Variants in SORCS2 observed in about 807,000 individuals in gnomAD.
The protein encoded by SORCS2 is sortilin related VPS10 domain containing receptor 2, also known as VPS10 domain-containing receptor SorCS2.
Under a neutral mutation model 141.6 loss-of-function variants are expected in SORCS2, and 100 were observed. The observed-to-expected ratio is 0.71, with a 90% confidence interval of 0.60 to 0.83. The LOEUF (loss-of-function observed/expected upper bound fraction) is 0.83, where lower values mean the gene tolerates loss of function less well. SORCS2 is among the 40% of genes least tolerant of loss of function. SORCS2 has a pLI of 0.00. For missense variants in SORCS2, 1,646 were observed against 1,560.2 expected (o/e 1.05, Z -0.93); for synonymous variants, 789 against 676.9 (o/e 1.17, Z -2.57).
At chr4:7,261,915 G>A (rs1490620925) in intron 1 of SORCS2, among the ~76,000 whole-genome samples, 1 of 152,204 alleles carries the variant, frequency 6.6e-6, no homozygotes, top group African/African-American at 2.4e-5. Flanking sequence ...TGTCGACTGG[G>A]AAATTTGCAT....
chr4:7,620,797 G>A (rs776432137), intron 3 of SORCS2, among the ~76,000 whole-genome samples: 2 of 152,202 alleles, frequency 1.3e-5, no homozygotes, highest in Admixed American at 6.5e-5. Context: ...TGGTGAAGGC[G>A]CTGAGGGTCT....
rs752813114 is a variant in SORCS2 at position 7,718,065 on chromosome 4, G to C, written c.2306G>C (p.Ser769Thr). 166 of 1,611,044 alleles carry C rather than the reference G, an allele frequency of 1.0e-4. 1 individual carries two copies. In the East Asian group the frequency reaches 2.9e-3, roughly 28 times the overall value. Residue 769 changes from serine (S) to threonine (T), a missense_variant, in exon 18 of 27, where the codon AGT (serine) becomes ACT (threonine). Physicochemically the swap from Ser to Thr is moderately conservative, Grantham distance 58. Transcript: ENST00000507866. ...GAGGGTGGGGTGGACATGCAGCAGA[G>C]TCAGGTGCAGCTGCAGTGCCCCCTC... ...VCEGGVDMQQ[S>T]QVQLQCPLTP...
intron 2 of SORCS2, among the ~76,000 whole-genome samples, chr4:7,410,204 G>C (rs1022827679): frequency 6.6e-6 from 1 of 152,218 alleles, no homozygotes; most frequent in Non-Finnish European, 1.5e-5. Context: ...AGCAAACAAA[G>C]AGCTGTCATG....
Position 7,325,442 on chromosome 4 carries a change from G to A in SORCS2, c.481-70846G>A, listed in dbSNP as rs75781133. Among the ~76,000 whole-genome samples, 17 of 152,262 alleles carry A rather than the reference G, an allele frequency of 1.1e-4. No homozygotes were observed. The East Asian group carries it at 2.3e-3, about 21-fold the overall frequency. On this transcript the variant is annotated intron_variant, in intron 1 of 26. Coordinates refer to ENST00000507866, the MANE Select transcript of SORCS2 (RefSeq NM_020777.3). ...ATGAAGCAGGCAAGAAGGAACAGCT[G>A]GAAAAGCTAACTGGTTATCTTTATT...
chr4:7,657,120 G>A (rs1226894244), intron 5 of SORCS2, among the ~76,000 whole-genome samples: 2 of 152,246 alleles, frequency 1.3e-5, no homozygotes, highest in Non-Finnish European at 2.9e-5. Flanking sequence ...CAGGCACCAG[G>A]CCTCAGGCCA....
Position 7,218,281 on chromosome 4 carries a change from G to A in SORCS2, c.480+25155G>A, listed in dbSNP as rs904980. Among the ~76,000 whole-genome samples, 1,121 of 152,276 alleles carry A rather than the reference G, an allele frequency of 7.4e-3. 14 individuals carry two copies. The highest frequency in any genetic ancestry group is 0.025 in the African/African-American group (1,036 of 41,538). On this transcript the variant is annotated intron_variant, in intron 1 of 26. Transcript: ENST00000507866. ...AGTTGTCACCTCCTATTTGTGCTGC[G>A]TAAATGGATTCTAATCGCCTTCTTC...
chr4:7,473,559 G>A (rs1560313937), intron 2 of SORCS2, among the ~76,000 whole-genome samples: 1 of 152,214 alleles, frequency 6.6e-6, no homozygotes, highest in Admixed American at 6.5e-5. Context: ...GCAGGTGGAA[G>A]CCTAAGAATC....
At chr4:7,524,065 T>C (rs16840464) in intron 2 of SORCS2, among the ~76,000 whole-genome samples, 3,621 of 152,282 alleles carry the variant, frequency 0.024, 99 homozygotes, top group East Asian at 0.11. Context: ...TCATGTAGAA[T>C]AGAAGCTCAG....
chr4:7,402,013 C>G (rs969915199), intron 2 of SORCS2, among the ~76,000 whole-genome samples: 1 of 152,172 alleles, frequency 6.6e-6, no homozygotes, highest in Non-Finnish European at 1.5e-5. Flanking sequence ...TCCATCATTG[C>G]CTTCTTCCCG....
chr4:7,554,947 G>A (rs893042093), intron 3 of SORCS2, among the ~76,000 whole-genome samples: 2 of 152,186 alleles, frequency 1.3e-5, no homozygotes, highest in Admixed American at 6.5e-5. Flanking sequence ...TCCAAGGCAT[G>A]GAGGCTCAGG....
intron 26 of SORCS2, 138 bp from the exon 27 acceptor site, chr4:7,740,062 G>T (rs1451409409): frequency 2.9e-6 from 2 of 689,288 alleles, no homozygotes; most frequent in Non-Finnish European, 5.1e-6. Flanking sequence ...CCCTGCACCT[G>T]CACGGGCTGA....
chr4:7,285,716 C>G (rs1032748396), intron 1 of SORCS2, among the ~76,000 whole-genome samples: 8 of 152,228 alleles, frequency 5.3e-5, no homozygotes, highest in African/African-American at 1.4e-4. Context: ...GCTGGAGGAC[C>G]AGACCGCCAA....
At chr4:7,542,991 A>G (rs1162228270) in intron 3 of SORCS2, among the ~76,000 whole-genome samples, 1 of 152,168 alleles carries the variant, frequency 6.6e-6, no homozygotes, top group Non-Finnish European at 1.5e-5. Flanking sequence ...GAGGGAGAAG[A>G]TGGTCCTCTT....
At chr4:7,572,217 G>A (rs777419893) in intron 3 of SORCS2, among the ~76,000 whole-genome samples, 1 of 152,126 alleles carries the variant, frequency 6.6e-6, no homozygotes, top group Non-Finnish European at 1.5e-5. Flanking sequence ...CTGAGGCTGA[G>A]GCCCCAAGCT....
intron 2 of SORCS2, chr4:7,432,116 G>A (rs1726907170): frequency 6.6e-6 from 1 of 151,654 alleles, no homozygotes; most frequent in African/African-American, 2.5e-5. Flanking sequence ...AGGAGCACTT[G>A]AACCCAGATG....
intron 1 of SORCS2, among the ~76,000 whole-genome samples, chr4:7,332,641 A>G (rs1721450785): frequency 6.6e-6 from 1 of 152,154 alleles, no homozygotes; most frequent in African/African-American, 2.4e-5. Context: ...AACTCACCCA[A>G]TCCACTGGGC....
At chr4:7,574,118 G>A (rs190695399) in intron 3 of SORCS2, among the ~76,000 whole-genome samples, 1 of 152,242 alleles carries the variant, frequency 6.6e-6, no homozygotes, top group South Asian at 2.1e-4. Flanking sequence ...TGCCTTATTT[G>A]TATGTTTCCT....
chr4:7,411,670 G>A (rs1725319058), intron 2 of SORCS2, among the ~76,000 whole-genome samples: 1 of 152,060 alleles, frequency 6.6e-6, no homozygotes, highest in Admixed American at 6.5e-5. Context: ...CTCTGGGGTG[G>A]GGTGAGCTAT....
intron 3 of SORCS2, among the ~76,000 whole-genome samples, chr4:7,583,707 T>C (rs1047259922): frequency 3.3e-5 from 5 of 152,230 alleles, no homozygotes; most frequent in African/African-American, 1.2e-4. Context: ...TCTGCCATGA[T>C]TGTGAGGCTT....
Sources: gnomAD v4.1 joint callset for allele counts (sites outside exome capture counted in the v4.1 genomes callset) on GRCh38, gnomAD v4.1.1 for gene constraint, MANE v1.5 for transcripts, NCBI Gene and HGNC (gene_info 2026-07-23, HGNC 2026-07-21) for gene names.